NHSL2: variants seen among roughly 807,000 people sequenced by gnomAD.
NHSL2 encodes the protein NHS like 2, also known as NHS-like protein 2.
A neutral mutation model predicts 53.4 loss-of-function variants in NHSL2; 27 were observed. The ratio of observed to expected loss-of-function variants is 0.51; its 90% CI spans 0.37 to 0.70. NHSL2 has a LOEUF of 0.70. NHSL2 is among the 30% of genes least tolerant of loss of function. NHSL2 has a pLI of 0.00. For synonymous variants in NHSL2, 408 were observed against 404.1 expected (o/e 1.01, Z -0.12); for missense variants, 892 against 980.1 (o/e 0.91, Z 1.20).
At position 71,911,045 on chromosome X, in the gene NHSL2, C is replaced by G; in HGVS notation, c.-43C>G. 6.2e-6 allele frequency: 6 copies of G among 962,044 alleles called. No homozygotes were observed. The highest frequency in any genetic ancestry group is 7.8e-6 in the Non-Finnish European group (6 of 767,870). 79.3% of individuals were successfully genotyped at this position (962,044 alleles called of 1,213,427 possible). On this transcript the variant is annotated 5_prime_UTR_variant, in exon 1 of 8. Coordinates refer to ENST00000633930, the MANE Select transcript of NHSL2 (RefSeq NM_001013627.3). ...GGGGCGCTGCTCGGGGTGAGCCCGC[C>G]GCGCCGCCAGACTGGTCCCCTGCGC...
chrX:71,927,513 T>G (rs1434919450), intron 1 of NHSL2, among the ~76,000 whole-genome samples: 2 of 111,865 alleles, frequency 1.8e-5, no homozygotes, highest in African/African-American at 3.2e-5. Context: ...CCACCCTCTC[T>G]GGGTTTGAAT....
At position 72,146,261 on chromosome X, in the gene NHSL2, T is replaced by C. The variant is rs1022833487; in HGVS notation, c.*2687T>C. The C allele has an allele frequency of 2.7e-4, 30 of 111,596 alleles. No homozygotes were observed. Among genetic ancestry groups the C allele is most frequent in the African/African-American group, 9.8e-4 (30 of 30,640 alleles). The allele number at this position is 111,596 out of a possible 1,213,427, so 9.2% of individuals were successfully genotyped here. On this transcript the variant is annotated 3_prime_UTR_variant, in exon 8 of 8. Transcript: ENST00000633930. ...ATAAACAACCAAACTGTAAAATTTC[T>C]ACTAATCACTAATTAACAGAACACA...
In NHSL2 at chrX:72,143,513, C is replaced by T; in HGVS notation, c.3617C>T (p.Ala1206Val). The T allele has an allele frequency of 1.7e-6, 2 of 1,166,839 alleles. No homozygotes were observed. The highest frequency in any genetic ancestry group is 2.3e-6 in the Non-Finnish European group (2 of 872,283). ...AELLKTTNPLARRIIAQFSKD... is the reference protein window; with the variant it reads ...AELLKTTNPLVRRIIAQFSKD... Reference sequence around the variant, plus strand: ...CTTCTGAAGACCACTAACCCACTGGCTCGGAGAATTATTGCACAATTTTCA... The same window carrying T: ...CTTCTGAAGACCACTAACCCACTGGTTCGGAGAATTATTGCACAATTTTCA... The change falls in exon 8 of 8, where the codon GCT becomes GTT. Residue 1206 changes from alanine (A) to valine (V), a missense_variant. Ala to Val is a moderately conservative substitution (Grantham distance 64). Transcript: ENST00000633930.
At chrX:72,070,162 C>A (rs978391287) in intron 1 of NHSL2, among the ~76,000 whole-genome samples, 1 of 110,289 alleles carries the variant, frequency 9.1e-6, no homozygotes, top group African/African-American at 3.3e-5. Flanking sequence ...CGTCTCCCCC[C>A]ACCCCAGCCC....
At chrX:72,052,302 C>T (rs1413976500) in intron 1 of NHSL2, among the ~76,000 whole-genome samples, 3 of 112,354 alleles carry the variant, frequency 2.7e-5, no homozygotes, top group African/African-American at 9.7e-5. Flanking sequence ...TGACTGGATG[C>T]TCAATTCCTA....
chrX:71,970,762 C>T (rs2041921940), intron 1 of NHSL2, among the ~76,000 whole-genome samples: 1 of 109,085 alleles, frequency 9.2e-6, no homozygotes, highest in South Asian at 3.9e-4. Flanking sequence ...TTTTCTTTCA[C>T]TCGTTCCTTA....
At chrX:71,951,247 G>A (rs778310619) in intron 1 of NHSL2, among the ~76,000 whole-genome samples, 1 of 111,624 alleles carries the variant, frequency 9.0e-6, no homozygotes, top group East Asian at 2.8e-4. Flanking sequence ...AGTCTTACCT[G>A]CACTGACAGG....
chrX:72,020,496 A>G (rs2042154932), intron 1 of NHSL2, among the ~76,000 whole-genome samples: 1 of 112,493 alleles, frequency 8.9e-6, no homozygotes, highest in East Asian at 2.8e-4. Flanking sequence ...GCAAACCACT[A>G]TATGGCCTCT....
At chrX:71,993,754 C>G (rs1487214037) in intron 1 of NHSL2, among the ~76,000 whole-genome samples, 1 of 111,382 alleles carries the variant, frequency 9.0e-6, no homozygotes, top group Non-Finnish European at 1.9e-5. Flanking sequence ...CACCTGCCTC[C>G]CAGCAGGTAC....
Position 71,925,665 on chromosome X carries a change from A to C in NHSL2, c.280+14298A>C, listed in dbSNP as rs757926335. 1.2e-4 allele frequency among the ~76,000 whole-genome samples: 13 copies of C among 111,164 alleles called. No individual in the cohort carries two copies. The South Asian group carries it at 4.9e-3, about 42-fold the overall frequency. ...TAATTTAAAAAACCTTTGGACAAAAACCCATGTTTTTATTGTTATCTTTAA... is the reference window on the plus strand; with the variant it reads ...TAATTTAAAAAACCTTTGGACAAAACCCCATGTTTTTATTGTTATCTTTAA... On this transcript the variant is annotated intron_variant, in intron 1 of 7. Transcript: ENST00000633930.
chrX:72,088,198 T>G (rs1431625908), intron 1 of NHSL2, among the ~76,000 whole-genome samples: 1 of 112,004 alleles, frequency 8.9e-6, no homozygotes, highest in Non-Finnish European at 1.9e-5. Context: ...GCCATTGCAC[T>G]CCAGCATGGG....
In NHSL2 at chrX:71,963,982, T is replaced by TACAC. The variant is rs1569467041; in HGVS notation, c.280+52616_280+52617insCACA. Among the ~76,000 whole-genome samples the TACAC allele has an allele frequency of 3.9e-4, 25 of 64,240 alleles. No homozygotes were observed. In the East Asian group the frequency reaches 0.013, roughly 34 times the overall value. 55.8% of individuals were successfully genotyped at this position (64,240 alleles called of 115,157 possible). The stretch of plus-strand genomic sequence containing the variant: ...ATACACATATATATATACATATATA[T>TACAC]ATATATATATGTATATACATATATA... On this transcript the variant is annotated intron_variant, in intron 1 of 7. Coordinates refer to ENST00000633930, the MANE Select transcript of NHSL2 (RefSeq NM_001013627.3).
At chrX:71,977,085 G>A (rs2041951757) in intron 1 of NHSL2, among the ~76,000 whole-genome samples, 1 of 111,909 alleles carries the variant, frequency 8.9e-6, no homozygotes, top group East Asian at 2.8e-4. Flanking sequence ...GGCTCCTTTT[G>A]TAACAGGTGT....
intron 1 of NHSL2, among the ~76,000 whole-genome samples, chrX:72,114,981 C>T (rs964653220): frequency 2.7e-5 from 3 of 112,034 alleles, no homozygotes; most frequent in African/African-American, 6.5e-5. Context: ...TTTGAAGCAG[C>T]GATAGGCCAA....
intron 1 of NHSL2, among the ~76,000 whole-genome samples, chrX:71,929,081 C>G (rs753268112): frequency 2.2e-4 from 24 of 111,616 alleles, no homozygotes; most frequent in Admixed American, 8.6e-4. Flanking sequence ...ACAGGGCAAG[C>G]TGAGAGGAAG....
intron 1 of NHSL2, among the ~76,000 whole-genome samples, chrX:71,998,023 T>G (rs2147882151): frequency 8.9e-6 from 1 of 112,298 alleles, no homozygotes; most frequent in East Asian, 2.8e-4. Flanking sequence ...GTCAAGGTAC[T>G]GAAGGAATAT....
rs1337199722 is a variant in NHSL2 at position 71,910,848 on chromosome X, G to C, written c.-240G>C. 4.6e-6 allele frequency: 1 copy of C among 218,659 alleles called. No individual in the cohort carries two copies. Among genetic ancestry groups the C allele is most frequent in the African/African-American group, 3.0e-5 (1 of 33,526 alleles). The allele number at this position is 218,659 out of a possible 1,213,427, so 18.0% of individuals were successfully genotyped here. On this transcript the variant is annotated 5_prime_UTR_variant, in exon 1 of 8. Coordinates refer to ENST00000633930, the MANE Select transcript of NHSL2 (RefSeq NM_001013627.3). ...AGGAGCCCGGCGAAGCAGAGTCAGA[G>C]GGACTGGTGGCTCCGGCGAGTGTGC...
At chrX:71,988,294 C>T (rs2042011784) in intron 1 of NHSL2, among the ~76,000 whole-genome samples, 1 of 111,465 alleles carries the variant, frequency 9.0e-6, no homozygotes, top group Admixed American at 9.5e-5. Flanking sequence ...CAAGTTTCCC[C>T]CTTTAGGGAG....
intron 1 of NHSL2, among the ~76,000 whole-genome samples, chrX:71,914,120 G>T (rs1718884103): frequency 3.6e-5 from 4 of 112,389 alleles, no homozygotes; most frequent in Non-Finnish European, 7.5e-5. Flanking sequence ...ACTGCCGAAG[G>T]CCCCTGTGGT....
Sources: gnomAD v4.1 joint callset for allele counts (sites outside exome capture counted in the v4.1 genomes callset) on GRCh38, gnomAD v4.1.1 for gene constraint, MANE v1.5 for transcripts, NCBI Gene and HGNC (gene_info 2026-07-23, HGNC 2026-07-21) for gene names.